Variants in SUPT3H observed in about 807,000 individuals in gnomAD.
SUPT3H encodes the protein transcription initiation protein SPT3 homolog.
In SUPT3H, 44 loss-of-function variants were observed where a neutral mutation model predicts 44.3. That is an observed-to-expected ratio of 0.99 (90% CI 0.78 to 1.28). The LOEUF (loss-of-function observed/expected upper bound fraction) is 1.28. SUPT3H is among the 50% of genes most tolerant of loss of function. The pLI, the probability that SUPT3H is intolerant of heterozygous loss-of-function variation, is 0.00. For synonymous variants in SUPT3H, 124 were observed against 125.6 expected (o/e 0.99, Z 0.09); for missense variants, 380 against 387.1 (o/e 0.98, Z 0.15).
chr6:45,171,835 A>T (rs1373208013), intron 2 of SUPT3H, among the ~76,000 whole-genome samples: 5 of 142,086 alleles, frequency 3.5e-5, no homozygotes, highest in Non-Finnish European at 6.0e-5. Context: ...CTCCTGCCTC[A>T]GCCTCCTAAG....
chr6:45,312,210 A>C (rs1784061599), intron 2 of SUPT3H, among the ~76,000 whole-genome samples: 1 of 152,120 alleles, frequency 6.6e-6, no homozygotes, highest in Admixed American at 6.5e-5. Context: ...AAGCAACAAC[A>C]GTTAAAAAAG....
At chr6:45,231,461 T>A (rs979472141) in intron 2 of SUPT3H, among the ~76,000 whole-genome samples, 1 of 152,228 alleles carries the variant, frequency 6.6e-6, no homozygotes, top group Non-Finnish European at 1.5e-5. Context: ...AGAAAGCTGC[T>A]CTTAGTCTGA....
At chr6:44,967,942 A>T (rs993047201) in intron 6 of SUPT3H, among the ~76,000 whole-genome samples, 4 of 152,054 alleles carry the variant, frequency 2.6e-5, no homozygotes, top group African/African-American at 7.2e-5. Flanking sequence ...GGTGTGTGCC[A>T]TCAGGCCTGG....
At chr6:45,200,783 CTG>C (rs1376806810) in intron 2 of SUPT3H, among the ~76,000 whole-genome samples, 1 of 151,340 alleles carries the variant, frequency 6.6e-6, no homozygotes, top group African/African-American at 2.4e-5. Context: ...AAGAAGAAAA[CTG>C]TGGTATTCAC....
At chr6:45,221,355 G>C (rs1766024926) in intron 2 of SUPT3H, among the ~76,000 whole-genome samples, 1 of 151,976 alleles carries the variant, frequency 6.6e-6, no homozygotes, top group African/African-American at 2.4e-5. Context: ...ATGTACCCTA[G>C]AACTTAAAGT....
intron 2 of SUPT3H, among the ~76,000 whole-genome samples, chr6:45,354,731 G>T (rs1792801966): frequency 1.3e-5 from 2 of 152,070 alleles, no homozygotes; most frequent in Admixed American, 1.3e-4. Flanking sequence ...CAGGTGTGGT[G>T]GGTCACCCCT....
chr6:45,099,165 G>T, intron 3 of SUPT3H: 1 of 288,672 alleles, frequency 3.5e-6, no homozygotes, highest in South Asian at 3.3e-5. Flanking sequence ...ACCTCAATGG[G>T]ACCACCCTTT....
At chr6:45,260,419 AT>A (rs1387406488) in intron 2 of SUPT3H, among the ~76,000 whole-genome samples, 3 of 10,326 alleles carry the variant, frequency 2.9e-4, no homozygotes, top group African/African-American at 2.7e-3. Context: ...ATTTATTCCT[AT>A]CAAAAAAAAT....
At chr6:44,890,543 G>A (rs1460704361) in intron 10 of SUPT3H, among the ~76,000 whole-genome samples, 1 of 148,180 alleles carries the variant, frequency 6.7e-6, no homozygotes, top group East Asian at 2.0e-4. Flanking sequence ...CTCACTCATA[G>A]GTGGGAATTG....
At chr6:45,359,351 CT>C (rs527637089) in intron 2 of SUPT3H, among the ~76,000 whole-genome samples, 84 of 152,194 alleles carry the variant, frequency 5.5e-4, no homozygotes, top group Middle Eastern at 6.9e-3. Flanking sequence ...GGAAATCTGC[CT>C]TTATACATAT....
chr6:45,040,347 A>T (rs1788343354), intron 3 of SUPT3H, among the ~76,000 whole-genome samples: 1 of 152,220 alleles, frequency 6.6e-6, no homozygotes, highest in Non-Finnish European at 1.5e-5. Context: ...GCTATACTAT[A>T]ATGTAAAACA....
intron 10 of SUPT3H, among the ~76,000 whole-genome samples, chr6:44,860,182 C>CA (rs1255568530): frequency 6.6e-6 from 1 of 152,182 alleles, no homozygotes; most frequent in South Asian, 2.1e-4. Context: ...TGAAGCCATT[C>CA]AAATTCCCAG....
rs568572563 is a variant in SUPT3H at position 44,885,757 on chromosome 6, C to T, written c.912+46896G>A. The stretch of plus-strand genomic sequence containing the variant: ...GTTCCTCACCAGCAACGGAACAAAG[C>T]CGGACGGAGAATGACTTTGACGAGT... On this transcript the variant is annotated intron_variant, in intron 10 of 10. Transcript: ENST00000371459. 3.3e-5 allele frequency among the ~76,000 whole-genome samples: 5 copies of T among 152,296 alleles called. No individual in the cohort carries two copies. The South Asian group carries it at 1.0e-3, about 32-fold the overall frequency.
At chr6:45,320,783 T>A (rs1291665350) in intron 2 of SUPT3H, among the ~76,000 whole-genome samples, 4 of 152,154 alleles carry the variant, frequency 2.6e-5, no homozygotes, top group Admixed American at 2.6e-4. Flanking sequence ...TAACACAAAT[T>A]CAAAATTAAT....
chr6:44,971,185 C>T (rs1777521315), intron 6 of SUPT3H, among the ~76,000 whole-genome samples: 1 of 151,944 alleles, frequency 6.6e-6, no homozygotes, highest in South Asian at 2.1e-4. Flanking sequence ...CAGTTAATTC[C>T]CTCTAAGCAT....
At chr6:45,326,504 A>G (rs981289057) in intron 2 of SUPT3H, among the ~76,000 whole-genome samples, 2 of 151,958 alleles carry the variant, frequency 1.3e-5, no homozygotes, top group African/African-American at 2.4e-5. Context: ...TTACCTTTCA[A>G]TGTAAAATCT....
intron 6 of SUPT3H, among the ~76,000 whole-genome samples, chr6:44,977,671 T>C (rs1399067909): frequency 6.6e-6 from 1 of 152,120 alleles, no homozygotes; most frequent in Non-Finnish European, 1.5e-5. Context: ...AGTTTAAGAT[T>C]CCTATTCCAA....
intron 2 of SUPT3H, chr6:45,158,722 A>G (rs1335592036): frequency 6.6e-6 from 1 of 151,918 alleles, no homozygotes; most frequent in African/African-American, 2.4e-5. Flanking sequence ...CACCCTACTC[A>G]CTCACCTATT....
intron 2 of SUPT3H, among the ~76,000 whole-genome samples, chr6:45,147,279 AAG>A (rs953845092): frequency 1.3e-5 from 2 of 152,124 alleles, no homozygotes; most frequent in African/African-American, 4.8e-5. Context: ...AAAAAAGAAA[AAG>A]AAATATGAAA....
Sources: gnomAD v4.1 joint callset for allele counts (sites outside exome capture counted in the v4.1 genomes callset) on GRCh38, gnomAD v4.1.1 for gene constraint, MANE v1.5 for transcripts, NCBI Gene and HGNC (gene_info 2026-07-23, HGNC 2026-07-21) for gene names.